Variants in HBS1L observed in about 807,000 individuals in gnomAD.
The protein encoded by HBS1L is HBS1 like translational GTPase.
HBS1L carries 55 observed loss-of-function variants against 88.9 expected under a neutral mutation model. The observed-to-expected ratio is 0.62, with a 90% CI of 0.50 to 0.77. The LOEUF (loss-of-function observed/expected upper bound fraction) is 0.77, where lower values mean the gene tolerates loss of function less well. Ranked by LOEUF, HBS1L falls within the 30% of genes least tolerant of loss-of-function variation. The probability of loss-of-function intolerance (pLI) is 0.00; values close to 1 mark genes in which losing one functional copy is unlikely to be tolerated. For missense variants in HBS1L, 741 were observed against 829.3 expected, an observed-to-expected ratio of 0.89 and a Z score of 1.31; for synonymous variants, 267 against 288.5, an observed-to-expected ratio of 0.93 and a Z score of 0.76.
chr6:134,991,978 G>A (rs1775152450), intron 8 of HBS1L, among the ~76,000 whole-genome samples: 1 of 152,152 alleles, frequency 6.6e-6, no homozygotes, highest in Admixed American at 6.5e-5. Context: ...TGGGGTGAGA[G>A]GATCCCTTGA....
chr6:134,982,414 T>C, intron 13 of HBS1L, 44 bp downstream of exon 13: 6 of 1,233,124 alleles, frequency 4.9e-6, no homozygotes, highest in Non-Finnish European at 6.0e-6. Context: ...ATCTGCTGTC[T>C]CAACTTAAGG....
At chr6:135,007,234 A>T (rs1338242002) in intron 4 of HBS1L, among the ~76,000 whole-genome samples, 3 of 152,176 alleles carry the variant, frequency 2.0e-5, no homozygotes. Flanking sequence ...CATTTCAAAA[A>T]TGTGGTTATT....
Position 135,050,874 on chromosome 6 carries a change from T to C in HBS1L, c.44-227A>G, listed in dbSNP as rs1032711295. Among the ~76,000 whole-genome samples the C allele has an allele frequency of 4.6e-5, 7 of 152,240 alleles. No individual in the cohort carries two copies. In the East Asian group the frequency reaches 5.8e-4, roughly 13 times the overall value. On this transcript the variant is annotated intron_variant, in intron 1 of 17. Coordinates refer to ENST00000367837, the MANE Select transcript of HBS1L (RefSeq NM_006620.4). ...CACAGTTCTTCAGTTGTTAAATTAA[T>C]TGGGTTTACCCAGGTCCCAAGTTTT...
Position 135,017,357 on chromosome 6 carries a change from C to T in HBS1L, c.431-14515G>A, listed in dbSNP as rs1012034407. On this transcript the variant is annotated intron_variant, in intron 4 of 17. Transcript: ENST00000367837. ...TGCCTAGGGATAATGTTCTTAAATG[C>T]AATCCAAACCATCAAGTTCGGTTTC... Among the ~76,000 whole-genome samples, 3 of 152,166 alleles carry T rather than the reference C, an allele frequency of 2.0e-5. No individual in the cohort carries two copies. In the East Asian group the frequency reaches 5.8e-4, roughly 29 times the overall value.
At chr6:135,039,837 T>C (rs1776674376) in intron 3 of HBS1L, 70 bp from the exon 4 acceptor site, 1 of 1,340,830 alleles carries the variant, frequency 7.5e-7, no homozygotes, top group East Asian at 2.3e-5. Context: ...TCTTCAAAAC[T>C]GATTTTAAAA....
chr6:135,003,947 AC>A lies in HBS1L; in HGVS notation c.431-1106del, dbSNP rs1775537923. Among the ~76,000 whole-genome samples, 6 of 152,126 alleles carry A rather than the reference AC, an allele frequency of 3.9e-5. No homozygotes were observed. In the South Asian group the frequency reaches 1.2e-3, roughly 32 times the overall value. Reference sequence around the variant, plus strand: ...AAATTATGAGCTAGATCAAAGTAAGACTTTTTTTTGCATTTGATCCCTACAT... The same window carrying A: ...AAATTATGAGCTAGATCAAAGTAAGATTTTTTTTGCATTTGATCCCTACAT... On this transcript the variant is annotated intron_variant, in intron 4 of 17. Transcript: ENST00000367837.
At chr6:134,969,608 G>A (rs548774419) in intron 15 of HBS1L, among the ~76,000 whole-genome samples, 1 of 152,296 alleles carries the variant, frequency 6.6e-6, no homozygotes, top group East Asian at 1.9e-4. Context: ...TTTTTCCTCT[G>A]TAAAGATGGA....
intron 3 of HBS1L, among the ~76,000 whole-genome samples, chr6:135,040,347 T>C: frequency 5.3e-5 from 3 of 56,552 alleles, no homozygotes; most frequent in South Asian, 1.0e-3. Context: ...AGGCATTCTT[T>C]TTTTTTTTTT....
At chr6:134,982,357 G>GT in intron 13 of HBS1L, 101 bp downstream of exon 13, 1 of 677,418 alleles carries the variant, frequency 1.5e-6, no homozygotes, top group South Asian at 1.7e-5. Flanking sequence ...TACAATTTCA[G>GT]TAAGAGGTTA....
rs574579038 is a variant in HBS1L at position 134,977,101 on chromosome 6, C to A, written c.1797+1578G>T. Among the ~76,000 whole-genome samples, 10 of 151,922 alleles carry A rather than the reference C, an allele frequency of 6.6e-5. 1 individual carries two copies. The highest frequency in any genetic ancestry group is 2.4e-4 in the African/African-American group (10 of 41,472). ...AAAAAATTTTTTTTCAAGTTTTTCT[C>A]CCATAGGGAGTAGACTGACAAAATA... is the stretch of plus-strand genomic sequence containing the variant. On this transcript the variant is annotated intron_variant, in intron 15 of 17. Coordinates refer to ENST00000367837, the MANE Select transcript of HBS1L (RefSeq NM_006620.4).
intron 5 of HBS1L, 98 bp downstream of exon 5, chr6:135,002,636 T>C (rs974859256): frequency 1.0e-5 from 7 of 694,716 alleles, no homozygotes; most frequent in Non-Finnish European, 1.8e-5. Flanking sequence ...TAATGATATA[T>C]TATGCGAAAT....
intron 2 of HBS1L, among the ~76,000 whole-genome samples, chr6:135,046,231 AG>A (rs1447787099): frequency 1.5e-5 from 2 of 133,370 alleles, no homozygotes; most frequent in Non-Finnish European, 3.3e-5. Flanking sequence ...AAGCCTTCCC[AG>A]ACTCCTTCAG....
At chr6:134,970,008 C>A (rs563200450) in intron 15 of HBS1L, among the ~76,000 whole-genome samples, 1 of 152,134 alleles carries the variant, frequency 6.6e-6, no homozygotes, top group Non-Finnish European at 1.5e-5. Flanking sequence ...ATACTGGGTA[C>A]AAACATTGTA....
intron 8 of HBS1L, among the ~76,000 whole-genome samples, chr6:134,988,458 AT>A (rs1009746004): frequency 6.0e-5 from 9 of 149,964 alleles, no homozygotes; most frequent in South Asian, 4.2e-4. Flanking sequence ...AAAAAAAAAC[AT>A]AAAAAACCCC....
In HBS1L at chr6:135,021,427, C is replaced by A. The variant is rs1241402824; in HGVS notation, c.430+18146G>T. ...TAAATCAAACTGAATTGTTGTTTTA[C>A]AATCCAAAGACCACAAAGTCATCTG... On this transcript the variant is annotated intron_variant, in intron 4 of 17. Transcript: ENST00000367837. Among the ~76,000 whole-genome samples the A allele has an allele frequency of 2.0e-5, 3 of 152,096 alleles. No individual in the cohort carries two copies. The South Asian group carries it at 6.2e-4, about 32-fold the overall frequency.
intron 5 of HBS1L, among the ~76,000 whole-genome samples, chr6:134,998,176 C>A (rs1775344761): frequency 6.6e-6 from 1 of 152,126 alleles, no homozygotes. Context: ...TTCATTAATT[C>A]AACAAACACT....
rs1161952665 is a variant in HBS1L at position 135,047,001 on chromosome 6, T to C, written c.109+3581A>G. Among the ~76,000 whole-genome samples the C allele has an allele frequency of 2.6e-5, 4 of 152,252 alleles. No homozygotes were observed. In the East Asian group the frequency reaches 5.8e-4, roughly 22 times the overall value. ...TATGCTTTTGTTAAAAATCAGTTTG[T>C]CACAGAAGAAACCAAAAACATTTAA... On this transcript the variant is annotated intron_variant, in intron 2 of 17. Transcript: ENST00000367837.
chr6:135,027,187 C>CAAAAAAAAAAAA (rs71006749), intron 4 of HBS1L: 22 of 56,268 alleles, frequency 3.9e-4, no homozygotes, highest in African/African-American at 7.9e-4. Flanking sequence ...GACTCTATCT[C>CAAAAAAAAAAAA]AAAAAAAAAA....
chr6:135,030,607 C>A (rs968599401), intron 4 of HBS1L, among the ~76,000 whole-genome samples: 2 of 152,004 alleles, frequency 1.3e-5, no homozygotes, highest in Admixed American at 6.6e-5. Context: ...GTCAAGAAAC[C>A]AGTTAGATGT....
Sources: gnomAD v4.1 joint callset for allele counts (sites outside exome capture counted in the v4.1 genomes callset) on GRCh38, gnomAD v4.1.1 for gene constraint, MANE v1.5 for transcripts, NCBI Gene and HGNC (gene_info 2026-07-23, HGNC 2026-07-21) for gene names.